Variants in ADAMTS20 observed in about 807,000 individuals in gnomAD.
The protein encoded by ADAMTS20 is ADAM metallopeptidase with thrombospondin type 1 motif 20, also known as A disintegrin and metalloproteinase with thrombospondin motifs 20.
In ADAMTS20, 225 loss-of-function variants were observed where a neutral mutation model predicts 260.1. The ratio of observed to expected loss-of-function variants is 0.87; its 90% CI spans 0.78 to 0.97. The LOEUF is 0.97. Ranked by LOEUF, ADAMTS20 falls within the 50% of genes least tolerant of loss-of-function variation. The probability of loss-of-function intolerance (pLI) is 0.00; values close to 1 mark genes in which losing one functional copy is unlikely to be tolerated. For synonymous variants in ADAMTS20, 802 were observed against 769.5 expected, an observed-to-expected ratio of 1.04 and a Z score of -0.70; for missense variants, 2,400 against 2,337.7, an observed-to-expected ratio of 1.03 and a Z score of -0.55.
At chr12:43,508,949 T>G (rs1467892144) in intron 3 of ADAMTS20, among the ~76,000 whole-genome samples, 1 of 152,154 alleles carries the variant, frequency 6.6e-6, no homozygotes, top group Non-Finnish European at 1.5e-5. Context: ...TTCCCCTCCC[T>G]GTGTCCATGT....
At chr12:43,525,584 T>C (rs1458185655) in intron 3 of ADAMTS20, among the ~76,000 whole-genome samples, 1 of 152,174 alleles carries the variant, frequency 6.6e-6, no homozygotes, top group Non-Finnish European at 1.5e-5. Flanking sequence ...ATGGGCAGAA[T>C]GGATTTTTAA....
intron 18 of ADAMTS20, among the ~76,000 whole-genome samples, chr12:43,435,532 G>T (rs1347557448): frequency 6.6e-6 from 1 of 151,250 alleles, no homozygotes; most frequent in Non-Finnish European, 1.5e-5. Context: ...CCAGCTACTC[G>T]GGAGGCTGAG....
chr12:43,433,607 A>G (rs12313330), intron 19 of ADAMTS20, among the ~76,000 whole-genome samples: 2,282 of 152,202 alleles, frequency 0.015, 52 homozygotes, highest in African/African-American at 0.051. Context: ...GGCACCTGCT[A>G]CAATGCTAAA....
At chr12:43,421,530 G>A (rs1941238724) in intron 28 of ADAMTS20, among the ~76,000 whole-genome samples, 1 of 151,996 alleles carries the variant, frequency 6.6e-6, no homozygotes, top group African/African-American at 2.4e-5. Context: ...TTTACTTAAA[G>A]AGCATTTGCT....
chr12:43,432,678 G>A lies in ADAMTS20; in HGVS notation c.2854C>T (p.Gln952Ter), dbSNP rs1423493388. Residue 952 changes from glutamine (Q) to a stop codon, truncating the protein, a stop_gained, in exon 20 of 39, where the codon CAG becomes TAG. Coordinates refer to ENST00000389420, the MANE Select transcript of ADAMTS20 (RefSeq NM_025003.5). LOFTEE classifies it high-confidence loss of function. ...VQVDDHYCGD[Q>*]LKPPTQELCH... is the part of the protein sequence containing the mutation. ...AGTTCTTGGGTAGGAGGTTTAAGCTGGTCACCACAGTAGTGGTCATCAACT... is the reference window on the plus strand; with the variant it reads ...AGTTCTTGGGTAGGAGGTTTAAGCTAGTCACCACAGTAGTGGTCATCAACT... The A allele has an allele frequency of 6.2e-7, 1 of 1,613,860 alleles. No individual in the cohort carries two copies. The highest frequency in any genetic ancestry group is 8.5e-7 in the Non-Finnish European group (1 of 1,179,838).
In ADAMTS20 at chr12:43,376,159, A is replaced by C; in HGVS notation, c.5221-11T>G. On this transcript the variant is annotated splice_polypyrimidine_tract_variant and intron_variant, in intron 34 of 38. Transcript: ENST00000389420. ...GTCTGCACAATAAATCTAAAGAAAA[A>C]ATGTAAACATCTAGAAAAACTTTTT... The C allele has an allele frequency of 6.3e-7, 1 of 1,584,220 alleles. No individual in the cohort carries two copies. Among genetic ancestry groups the C allele is most frequent in the Non-Finnish European group, 8.6e-7 (1 of 1,167,100 alleles).
At chr12:43,383,209 A>C (rs1940392366) in intron 31 of ADAMTS20, among the ~76,000 whole-genome samples, 1 of 152,174 alleles carries the variant, frequency 6.6e-6, no homozygotes, top group African/African-American at 2.4e-5. Context: ...AAACTTATTA[A>C]GCTATATATT....
downstream of ADAMTS20, among the ~76,000 whole-genome samples, chr12:43,353,107 T>C (rs1295863893): frequency 6.6e-6 from 1 of 152,046 alleles, no homozygotes; most frequent in Non-Finnish European, 1.5e-5. Flanking sequence ...CATAGAAAAA[T>C]ATATTTGTCT....
intron 6 of ADAMTS20, among the ~76,000 whole-genome samples, chr12:43,490,804 C>G (rs1390949973): frequency 2.0e-5 from 3 of 152,060 alleles, no homozygotes; most frequent in African/African-American, 7.2e-5. Context: ...TAATGGTGTT[C>G]TCAGATGTTA....
Position 43,439,930 on chromosome 12 carries a change from A to G in ADAMTS20, c.2430T>C (p.Ser810=). 1 of 1,607,168 alleles carries G rather than the reference A, an allele frequency of 6.2e-7. No individual in the cohort carries two copies. The highest frequency in any genetic ancestry group is 8.5e-7 in the Non-Finnish European group (1 of 1,176,116). The change falls in exon 17 of 39, where the codon AGT becomes AGC. Residue 810 remains serine, a synonymous_variant. Transcript: ENST00000389420. ...TAAGTTCTTTCTCTTGTCGATTAGT[A>G]CTATTAATTCTTTCAACTGCGTTAT... ...GSNNAVERIN[S]TNRQEKELIL...
intron 2 of ADAMTS20, among the ~76,000 whole-genome samples, chr12:43,544,231 T>C (rs552809317): frequency 4.6e-5 from 7 of 152,142 alleles, no homozygotes; most frequent in Non-Finnish European, 8.8e-5. Context: ...TCGGAAGAGA[T>C]TTAGTAAATA....
At chr12:43,418,495 A>G (rs548658452) in intron 28 of ADAMTS20, among the ~76,000 whole-genome samples, 37 of 152,104 alleles carry the variant, frequency 2.4e-4, no homozygotes, top group Non-Finnish European at 5.4e-4. Flanking sequence ...TTTTTAGTAG[A>G]GGCAGGGTTT....
intron 36 of ADAMTS20, among the ~76,000 whole-genome samples, chr12:43,372,281 C>T (rs1230314650): frequency 6.6e-6 from 1 of 152,120 alleles, no homozygotes; most frequent in African/African-American, 2.4e-5. Flanking sequence ...GTGAGAAAGA[C>T]AGGAGAAAGA....
At chr12:43,512,670 C>A (rs1245483473) in intron 3 of ADAMTS20, among the ~76,000 whole-genome samples, 1 of 152,100 alleles carries the variant, frequency 6.6e-6, no homozygotes, top group African/African-American at 2.4e-5. Flanking sequence ...TTGCCAGTGG[C>A]CAGCTGAAAC....
intron 37 of ADAMTS20, among the ~76,000 whole-genome samples, chr12:43,358,080 A>C (rs1939782081): frequency 6.6e-6 from 1 of 152,222 alleles, no homozygotes; most frequent in Non-Finnish European, 1.5e-5. Context: ...TCTACCATGT[A>C]AATTTCTTGT....
Position 43,376,668 on chromosome 12 carries a change from A to T in ADAMTS20, c.4996-15T>A. The stretch of plus-strand genomic sequence containing the variant: ...GTCACTGAGCACTGTGAAAAGAGTA[A>T]AATTTGAAGGCAAACTATATTATGA... On this transcript the variant is annotated splice_polypyrimidine_tract_variant and intron_variant, in intron 32 of 38. Coordinates refer to ENST00000389420, the MANE Select transcript of ADAMTS20 (RefSeq NM_025003.5). 1.3e-6 allele frequency: 2 copies of T among 1,592,702 alleles called. No individual in the cohort carries two copies. The highest frequency in any genetic ancestry group is 1.7e-6 in the Non-Finnish European group (2 of 1,173,702).
intron 4 of ADAMTS20, among the ~76,000 whole-genome samples, chr12:43,500,321 G>A (rs11612169): frequency 0.025 from 3,774 of 152,224 alleles, 70 homozygotes; most frequent in East Asian, 0.08. Context: ...GAGCCACTAC[G>A]CCGAGCCCCA....
intron 7 of ADAMTS20, among the ~76,000 whole-genome samples, chr12:43,479,370 G>A (rs1235764935): frequency 2.0e-5 from 3 of 152,116 alleles, no homozygotes; most frequent in Middle Eastern, 6.9e-3. Flanking sequence ...GACAAATACA[G>A]AACTCAAAGA....
intron 36 of ADAMTS20, among the ~76,000 whole-genome samples, chr12:43,370,142 C>T (rs1940075468): frequency 6.6e-6 from 1 of 152,128 alleles, no homozygotes. Context: ...CTGCATGTCC[C>T]AGGATGACAT....
Sources: allele counts gnomAD v4.1 joint callset (sites outside exome capture counted in the v4.1 genomes callset), GRCh38; gene constraint gnomAD v4.1.1; transcripts MANE v1.5; gene names NCBI Gene and HGNC (gene_info 2026-07-23, HGNC 2026-07-21).